The following FNIP1 variants were observed in gnomAD, a reference collection of about 807,000 sequenced individuals.
FNIP1 encodes folliculin interacting protein 1.
A neutral mutation model predicts 124.5 loss-of-function variants in FNIP1; 40 were observed. The ratio of observed to expected loss-of-function variants is 0.32; its 90% CI spans 0.25 to 0.42. The LOEUF (loss-of-function observed/expected upper bound fraction) is 0.42. Among genes scored for constraint, FNIP1 ranks in the 10% least tolerant of loss-of-function variants. The probability of loss-of-function intolerance (pLI) is 1.00; values close to 1 mark genes in which losing one functional copy is unlikely to be tolerated. For synonymous variants in FNIP1, 472 were observed against 470.6 expected (o/e 1.00, Z -0.04); for missense variants, 1,176 against 1,403.7 (o/e 0.84, Z 2.59).
intron 11 of FNIP1, among the ~76,000 whole-genome samples, chr5:131,680,312 G>C (rs1327293896): frequency 2.0e-5 from 3 of 152,102 alleles, no homozygotes; most frequent in African/African-American, 7.2e-5. Context: ...AAATTTTGTT[G>C]AATTTGAAAC....
intron 1 of FNIP1, among the ~76,000 whole-genome samples, chr5:131,788,694 CAAAAAAAA>C (rs10715343): frequency 1.7e-5 from 1 of 58,132 alleles, no homozygotes; most frequent in Admixed American, 1.8e-4. Context: ...GACTCTGTCT[CAAAAAAAA>C]AAAAAAAAAA....
chr5:131,685,019 T>C (rs1768227087), intron 11 of FNIP1, among the ~76,000 whole-genome samples: 1 of 152,228 alleles, frequency 6.6e-6, no homozygotes, highest in Non-Finnish European at 1.5e-5. Context: ...AATGTCTTGA[T>C]TTCAATAAAT....
chr5:131,661,234 G>A (rs1367844128), intron 15 of FNIP1, among the ~76,000 whole-genome samples: 1 of 151,594 alleles, frequency 6.6e-6, no homozygotes, highest in Non-Finnish European at 1.5e-5. Context: ...GTGTGTGTGT[G>A]TGTGTGTGTG....
At chr5:131,666,139 G>A (rs530618448) in intron 15 of FNIP1, among the ~76,000 whole-genome samples, 138 of 152,040 alleles carry the variant, frequency 9.1e-4, no homozygotes, top group South Asian at 2.3e-3. Context: ...TGCCTACCTC[G>A]GCCTCCCAAA....
At chr5:131,739,114 C>T (rs1017043887) in intron 2 of FNIP1, among the ~76,000 whole-genome samples, 3 of 152,180 alleles carry the variant, frequency 2.0e-5, no homozygotes, top group East Asian at 1.9e-4. Flanking sequence ...CTGCACCCAG[C>T]CTAGAGATAC....
chr5:131,661,922 C>T (rs1026030676), intron 15 of FNIP1, among the ~76,000 whole-genome samples: 3 of 152,110 alleles, frequency 2.0e-5, no homozygotes, highest in Non-Finnish European at 2.9e-5. Flanking sequence ...GTGTACTTTT[C>T]GATGGGTCAG....
intron 15 of FNIP1, among the ~76,000 whole-genome samples, chr5:131,670,131 A>G (rs1767708856): frequency 6.6e-6 from 1 of 152,216 alleles, no homozygotes; most frequent in African/African-American, 2.4e-5. Context: ...ATATGTAAGC[A>G]ATGAGTAATC....
rs762795344 is a variant in FNIP1 at position 131,672,215 on chromosome 5, A to G, written c.2229T>C (p.Ser743=). Residue 743 remains serine (S), a synonymous_variant, in exon 14 of 18, where the codon TCT becomes TCC. Transcript: ENST00000510461. ...PPDKIVPASF[S]CEAAQTKVTF... is the part of the protein sequence containing the mutation. ...TAACCTTTGTCTGGGCAGCCTCACAAGAAAATGAAGCAGGCACAATCTTAT... is the reference window on the plus strand; with the variant it reads ...TAACCTTTGTCTGGGCAGCCTCACAGGAAAATGAAGCAGGCACAATCTTAT... 1 of 1,614,228 alleles carries G rather than the reference A, an allele frequency of 6.2e-7. No homozygotes were observed. The highest frequency in any genetic ancestry group is 1.1e-5 in the South Asian group (1 of 91,088).
Position 131,704,186 on chromosome 5 carries a change from A to G in FNIP1, c.995T>C (p.Ile332Thr). 6 of 1,613,380 alleles carry G rather than the reference A, an allele frequency of 3.7e-6. No homozygotes were observed. Among genetic ancestry groups the G allele is most frequent in the Non-Finnish European group, 5.1e-6 (6 of 1,179,428 alleles). Residue 332 changes from isoleucine (I) to threonine (T), a missense_variant, in exon 10 of 18, where the codon ATT (isoleucine) becomes ACT (threonine). Physicochemically the swap from Ile to Thr is moderately conservative, Grantham distance 89. This residue lies in a region of FNIP1 where 1,109 missense variants were observed against 1,288.5 expected (regional missense o/e 0.86). Transcript: ENST00000510461. Reference protein sequence around the residue: ...PGIVRKKKIAIGVIFSLSKDE... With the variant: ...PGIVRKKKIATGVIFSLSKDE... ...TTTGGACAATGAAAAGATTACCCCA[A>G]TTGCAATCTTCTTTTTCCGCACAAT... is the stretch of plus-strand genomic sequence containing the variant.
intron 15 of FNIP1, among the ~76,000 whole-genome samples, chr5:131,666,295 A>G (rs763967511): frequency 6.6e-6 from 1 of 152,176 alleles, no homozygotes; most frequent in Non-Finnish European, 1.5e-5. Flanking sequence ...CTTTTTGTCA[A>G]ATTTTTCTAT....
intron 1 of FNIP1, among the ~76,000 whole-genome samples, chr5:131,761,712 T>C (rs1771237093): frequency 6.6e-6 from 1 of 151,206 alleles, no homozygotes; most frequent in Non-Finnish European, 1.5e-5. Context: ...TTCAATGCAA[T>C]CCCTTTCAAA....
chr5:131,731,010 A>C lies in FNIP1; in HGVS notation c.248T>G (p.Val83Gly), dbSNP rs1360557626. The change falls in exon 3 of 18, where the codon GTC (valine) becomes GGC (glycine). Residue 83 changes from valine (V) to glycine (G), a missense_variant. Around this residue, in one of 2 missense-constraint regions of FNIP1, gnomAD observed 1,109 missense variants for 1,288.5 expected, o/e 0.86. Coordinates refer to ENST00000510461, the MANE Select transcript of FNIP1 (RefSeq NM_133372.3). Reference protein sequence around the residue: ...SKLGSDAQVKVFGKCCQLKPG... With the variant: ...SKLGSDAQVKGFGKCCQLKPG... ...TTTCAGTTGGCAGCATTTCCCAAAG[A>C]CTTTAACTTGAGCATCACTGCCGAG... is the stretch of plus-strand genomic sequence containing the variant. 2.5e-6 allele frequency: 4 copies of C among 1,613,166 alleles called. No homozygotes were observed. In the African/African-American group the frequency reaches 5.3e-5, roughly 22 times the overall value.
intron 11 of FNIP1, among the ~76,000 whole-genome samples, chr5:131,695,104 CAAATAAATAAATAAATAAAT>C (rs72306515): frequency 2.7e-4 from 37 of 137,852 alleles, no homozygotes; most frequent in Non-Finnish European, 3.9e-4. Context: ...GACACTGTCT[CAAATAAATAAATAAATAAAT>C]AAATAAATAA....
intron 2 of FNIP1, among the ~76,000 whole-genome samples, chr5:131,741,027 A>G (rs780503863): frequency 4.6e-5 from 7 of 152,194 alleles, no homozygotes; most frequent in African/African-American, 7.2e-5. Context: ...TTTAGCATAC[A>G]ATCAAGAAAT....
At position 131,644,655 on chromosome 5, in the gene FNIP1, C is replaced by A. The variant is rs773827143; in HGVS notation, c.*30G>T. 1.3e-6 allele frequency: 2 copies of A among 1,591,620 alleles called. No individual in the cohort carries two copies. Among genetic ancestry groups the A allele is most frequent in the Non-Finnish European group, 1.7e-6 (2 of 1,160,418 alleles). ...TGCTTCCTTGGTTTCTACCTATTTT[C>A]CCACCAATTTCTAACAATTTTTAGG... On this transcript the variant is annotated 3_prime_UTR_variant, in exon 18 of 18. Coordinates refer to ENST00000510461, the MANE Select transcript of FNIP1 (RefSeq NM_133372.3).
Position 131,671,769 on chromosome 5 carries a change from G to A in FNIP1, c.2675C>T (p.Pro892Leu). The A allele has an allele frequency of 6.2e-7, 1 of 1,613,972 alleles. No homozygotes were observed. The highest frequency in any genetic ancestry group is 8.5e-7 in the Non-Finnish European group (1 of 1,180,000). Residue 892 changes from proline to leucine, a missense_variant, in exon 14 of 18, where the codon CCC becomes CTC. Physicochemically the swap from Pro to Leu is moderately conservative, Grantham distance 98. Transcript: ENST00000510461. Reference protein sequence around the residue: ...NEFCKCIETVPQDSCKTCFPQ... With the variant: ...NEFCKCIETVLQDSCKTCFPQ... ...AAAGCAGGTTTTACATGAATCTTGG[G>A]GAACTGTTTCTATACATTTACAAAA... is the stretch of plus-strand genomic sequence containing the variant.
Position 131,670,554 on chromosome 5 carries a change from G to T in FNIP1, c.3017C>A (p.Ser1006Ter). ...FGRSLLGGYC[S>*]SYVPDFVLQG... ...AAGAACAAAGTCAGGCACATAAGATGAGCAGTAGCCACCCAGCAAGGACCT... is the reference window on the plus strand; with the variant it reads ...AAGAACAAAGTCAGGCACATAAGATTAGCAGTAGCCACCCAGCAAGGACCT... Residue 1006 changes from serine (S) to a stop codon, truncating the protein, a stop_gained, in exon 15 of 18, where the codon TCA becomes TAA. Transcript: ENST00000510461. LOFTEE classifies it high-confidence loss of function. The T allele has an allele frequency of 6.2e-7, 1 of 1,613,796 alleles. No individual in the cohort carries two copies. Among genetic ancestry groups the T allele is most frequent in the Non-Finnish European group, 8.5e-7 (1 of 1,179,908 alleles).
intron 1 of FNIP1, among the ~76,000 whole-genome samples, chr5:131,767,818 C>T (rs1771490938): frequency 6.6e-6 from 1 of 152,128 alleles, no homozygotes; most frequent in African/African-American, 2.4e-5. Flanking sequence ...CTTTAGTTAT[C>T]AATTTAGGAC....
At chr5:131,759,296 T>C (rs1377065841) in intron 1 of FNIP1, among the ~76,000 whole-genome samples, 1 of 152,026 alleles carries the variant, frequency 6.6e-6, no homozygotes, top group Non-Finnish European at 1.5e-5. Context: ...AAGGAAATTA[T>C]AAACAGAGAA....
Sources: allele counts gnomAD v4.1 joint callset (sites outside exome capture counted in the v4.1 genomes callset), GRCh38; gene constraint gnomAD v4.1.1; regional missense constraint gnomAD v4.1.1; transcripts MANE v1.5; gene names NCBI Gene and HGNC (gene_info 2026-07-23, HGNC 2026-07-21).